Variants in MTCH2 observed in about 807,000 individuals in gnomAD.
MTCH2 encodes mitochondrial carrier 2.
A neutral mutation model predicts 50.6 loss-of-function variants in MTCH2; 25 were observed. The observed-to-expected ratio is 0.49, with a 90% CI of 0.36 to 0.69. The LOEUF is 0.69. Ranked by LOEUF, MTCH2 falls within the 30% of genes least tolerant of loss-of-function variation. The probability of loss-of-function intolerance (pLI) is 0.00; values close to 1 mark genes in which losing one functional copy is unlikely to be tolerated. For missense variants in MTCH2, 273 were observed against 384.4 expected (o/e 0.71, Z 2.42); for synonymous variants, 106 against 132.0 (o/e 0.80, Z 1.35).
At chr11:47,618,948 A>C in intron 12 of MTCH2, 29 bp from the exon 13 acceptor site, 1 of 1,581,884 alleles carries the variant, frequency 6.3e-7, no homozygotes, top group Non-Finnish European at 8.7e-7. Flanking sequence ...CAAAACACAA[A>C]TAATATCTAG....
chr11:47,624,027 G>A (rs2097295700), intron 11 of MTCH2, among the ~76,000 whole-genome samples: 1 of 152,056 alleles, frequency 6.6e-6, no homozygotes, highest in Non-Finnish European at 1.5e-5. Context: ...AATCCAGCCT[G>A]AGCAACAGAG....
the MTCH2 span, among the ~76,000 whole-genome samples, chr11:47,606,704 CAT>C: frequency 6.6e-6 from 1 of 152,250 alleles, no homozygotes; most frequent in Non-Finnish European, 1.5e-5. Flanking sequence ...CCCATGCCCA[CAT>C]GCCCTTCCTT....
At chr11:47,616,106 G>T (rs191839690), downstream of MTCH2, among the ~76,000 whole-genome samples, 1 of 151,638 alleles carries the variant, frequency 6.6e-6, no homozygotes, top group African/African-American at 2.4e-5. Context: ...TTACAGGCAT[G>T]TGCCACCACG....
intron 3 of MTCH2, among the ~76,000 whole-genome samples, chr11:47,635,981 A>G (rs2097308193): frequency 6.6e-6 from 1 of 151,998 alleles, no homozygotes; most frequent in Non-Finnish European, 1.5e-5. Context: ...TACAAAAATT[A>G]GCGGAGCATT....
chr11:47,610,529 A>T, the MTCH2 span, among the ~76,000 whole-genome samples: 39 of 152,008 alleles, frequency 2.6e-4, no homozygotes, highest in African/African-American at 8.9e-4. Context: ...ACATGGCAAA[A>T]CCCCGTCTCT....
chr11:47,611,059 T>C, the MTCH2 span, among the ~76,000 whole-genome samples: 1 of 152,196 alleles, frequency 6.6e-6, no homozygotes, highest in African/African-American at 2.4e-5. Context: ...CTGTTGTACA[T>C]ATGGTTTCAC....
At chr11:47,624,319 A>G (rs888495269) in intron 11 of MTCH2, among the ~76,000 whole-genome samples, 2 of 152,032 alleles carry the variant, frequency 1.3e-5, no homozygotes, top group Middle Eastern at 3.2e-3. Flanking sequence ...GTCTACCACT[A>G]TACCAAAACC....
At chr11:47,624,288 TA>T (rs1175406864) in intron 11 of MTCH2, among the ~76,000 whole-genome samples, 2 of 150,790 alleles carry the variant, frequency 1.3e-5, no homozygotes, top group African/African-American at 4.9e-5. Flanking sequence ...ACTTGGCATC[TA>T]GAATTTGGAA....
chr11:47,617,356 G>A lies in MTCH2; in HGVS notation c.*1477C>T, dbSNP rs1449824223. ...ATCTTTACTTAAAGATTTTTTGGGA[G>A]AAAAAGGTAGGCAGCAAACATTTTT... On this transcript the variant is annotated 3_prime_UTR_variant, in exon 13 of 13. Transcript: ENST00000302503. 1 of 152,144 alleles carries A rather than the reference G, an allele frequency of 6.6e-6. No homozygotes were observed. The highest frequency in any genetic ancestry group is 2.4e-5 in the African/African-American group (1 of 41,448). The allele number at this position is 152,144 out of a possible 1,614,324, so 9.4% of individuals were successfully genotyped here.
At chr11:47,642,308 T>A in intron 1 of MTCH2, 71 bp downstream of exon 1, 1 of 1,341,870 alleles carries the variant, frequency 7.5e-7, no homozygotes, top group Non-Finnish European at 1.0e-6. Flanking sequence ...GCTGAGCCGA[T>A]CCTCAGGCGC....
chr11:47,631,038 G>A lies in MTCH2; in HGVS notation c.477C>T (p.Tyr159=). 6.2e-7 allele frequency: 1 copy of A among 1,610,200 alleles called. No homozygotes were observed. Among genetic ancestry groups the A allele is most frequent in the Middle Eastern group, 1.7e-4 (1 of 6,054 alleles). Residue 159 remains tyrosine (Y), a splice_region_variant and synonymous_variant, in exon 7 of 13, where the codon TAC becomes TAT. Coordinates refer to ENST00000302503, the MANE Select transcript of MTCH2 (RefSeq NM_014342.4). ...MVQFIGRESK[Y]CGLCDSIITI... ...TATGTGAAAACAAAAATACTTACCA[G>A]TACTTGGATTCTCTGCCAATGAACT...
At chr11:47,630,795 A>T (rs1422603837) in intron 7 of MTCH2, among the ~76,000 whole-genome samples, 181 bp from the exon 8 acceptor site, 1 of 152,144 alleles carries the variant, frequency 6.6e-6, no homozygotes, top group Non-Finnish European at 1.5e-5. Flanking sequence ...AATATTAACT[A>T]CCTAGGGGTA....
chr11:47,635,132 G>A (rs908339627), intron 4 of MTCH2, among the ~76,000 whole-genome samples: 2 of 151,886 alleles, frequency 1.3e-5, no homozygotes, highest in African/African-American at 4.8e-5. Context: ...CACGCGGAGT[G>A]CAGTGATGTG....
Position 47,627,211 on chromosome 11 carries a change from CT to C in MTCH2, c.634-85del, listed in dbSNP as rs981960946. The C allele has an allele frequency of 4.5e-6, 5 of 1,112,788 alleles. No individual in the cohort carries two copies. In the Admixed American group the frequency reaches 8.3e-5, roughly 19 times the overall value. 68.9% of individuals were successfully genotyped at this position (1,112,788 alleles called of 1,614,324 possible). A position where few individuals can be genotyped will look rare whatever the true frequency, so the allele number is the denominator to read the frequency against. ...TTCTTTTTTCCTTTTCTTTTCTTTT[CT>C]TTTTTTCTTTCAGACAGTGCCTCAC... On this transcript the variant is annotated intron_variant, in intron 9 of 12. Coordinates refer to ENST00000302503, the MANE Select transcript of MTCH2 (RefSeq NM_014342.4).
intron 1 of MTCH2, among the ~76,000 whole-genome samples, chr11:47,639,494 A>G (rs889779208): frequency 2.0e-5 from 3 of 152,280 alleles, no homozygotes; most frequent in African/African-American, 7.2e-5. Flanking sequence ...ATGCAGATAT[A>G]GCTGGATAAT....
chr11:47,633,032 TTCTCCA>T (rs2097304656), intron 5 of MTCH2, among the ~76,000 whole-genome samples: 1 of 151,214 alleles, frequency 6.6e-6, no homozygotes, highest in Admixed American at 6.6e-5. Flanking sequence ...CCCTCACCCC[TTCTCCA>T]AGGGCATAAG....
At chr11:47,632,009 ACAGGAAAGGTCAC>A (rs929906537) in intron 5 of MTCH2, among the ~76,000 whole-genome samples, 2 of 152,192 alleles carry the variant, frequency 1.3e-5, no homozygotes, top group African/African-American at 4.8e-5. Flanking sequence ...AAATAAAGAA[ACAGGAAAGGTCAC>A]CAACAAAGTC....
At chr11:47,611,839 C>A in the MTCH2 span, among the ~76,000 whole-genome samples, 3 of 152,194 alleles carry the variant, frequency 2.0e-5, no homozygotes, top group Non-Finnish European at 2.9e-5. Flanking sequence ...AGTTTTCATG[C>A]AAAATCTGCT....
chr11:47,633,562 G>C (rs2097305672), intron 5 of MTCH2, among the ~76,000 whole-genome samples: 1 of 77,866 alleles, frequency 1.3e-5, no homozygotes. Flanking sequence ...TTGAGATGGA[G>C]TCTCACTCCT....
Sources: allele counts gnomAD v4.1 joint callset (sites outside exome capture counted in the v4.1 genomes callset), GRCh38; gene constraint gnomAD v4.1.1; transcripts MANE v1.5; gene names NCBI Gene and HGNC (gene_info 2026-07-23, HGNC 2026-07-21).